Variants in FHIT observed in about 807,000 individuals in gnomAD.
FHIT encodes bis(5'-adenosyl)-triphosphatase.
FHIT carries 19 observed loss-of-function variants against 17.9 expected under a neutral mutation model. That is an observed-to-expected ratio of 1.06 (90% CI 0.74 to 1.56). FHIT has a LOEUF of 1.56. Ranked by LOEUF, FHIT falls within the 40% of genes most tolerant of loss-of-function variation. FHIT has a pLI of 0.00. For missense variants in FHIT, 248 were observed against 189.2 expected (o/e 1.31, Z -1.82); for synonymous variants, 81 against 69.7 (o/e 1.16, Z -0.81).
At chr3:60,744,128 A>G (rs2042294137) in intron 4 of FHIT, among the ~76,000 whole-genome samples, 1 of 151,984 alleles carries the variant, frequency 6.6e-6, no homozygotes, top group Non-Finnish European at 1.5e-5. Context: ...CACAAAAGCT[A>G]CTATTTCAAT....
chr3:60,073,114 C>T (rs1195770945), intron 5 of FHIT, among the ~76,000 whole-genome samples: 1 of 152,136 alleles, frequency 6.6e-6, no homozygotes, highest in Non-Finnish European at 1.5e-5. Flanking sequence ...GAAAATTAAA[C>T]ATTAATTAAC....
chr3:61,158,851 C>T (rs1032937449), intron 2 of FHIT, among the ~76,000 whole-genome samples: 11 of 152,132 alleles, frequency 7.2e-5, no homozygotes, highest in Admixed American at 6.5e-5. Flanking sequence ...TTGCCAGACA[C>T]CATAAAACAA....
intron 4 of FHIT, among the ~76,000 whole-genome samples, chr3:60,636,317 C>T (rs1226366758): frequency 1.3e-5 from 2 of 152,146 alleles, no homozygotes; most frequent in East Asian, 3.9e-4. Flanking sequence ...GATCCACCCG[C>T]CTTGGCCTCC....
At chr3:60,422,651 C>T (rs1702520259) in intron 5 of FHIT, among the ~76,000 whole-genome samples, 1 of 152,048 alleles carries the variant, frequency 6.6e-6, no homozygotes, top group Non-Finnish European at 1.5e-5. Flanking sequence ...AGGTGTTAGA[C>T]ATAAAAATGG....
At chr3:59,937,146 G>C (rs967277131) in intron 7 of FHIT, among the ~76,000 whole-genome samples, 1 of 152,194 alleles carries the variant, frequency 6.6e-6, no homozygotes, top group African/African-American at 2.4e-5. Context: ...ATAATTTTAT[G>C]TCATTATCAC....
chr3:60,152,252 G>C (rs1393385306), intron 5 of FHIT, among the ~76,000 whole-genome samples: 64 of 152,158 alleles, frequency 4.2e-4, no homozygotes, highest in Non-Finnish European at 1.5e-5. Context: ...TGTAATAGGA[G>C]TAAGTATCTA....
chr3:60,405,891 A>T (rs1252717167), intron 5 of FHIT, among the ~76,000 whole-genome samples: 1 of 152,090 alleles, frequency 6.6e-6, no homozygotes, highest in African/African-American at 2.4e-5. Flanking sequence ...AAAATGACCA[A>T]TCTCCTTTCT....
intron 5 of FHIT, among the ~76,000 whole-genome samples, chr3:60,233,966 A>T (rs1704631615): frequency 6.6e-6 from 1 of 152,116 alleles, no homozygotes; most frequent in Admixed American, 6.5e-5. Flanking sequence ...TCCTTTACAA[A>T]TTACGTCTCA....
chr3:60,471,295 T>C (rs569931628), intron 5 of FHIT, among the ~76,000 whole-genome samples: 4 of 152,312 alleles, frequency 2.6e-5, no homozygotes, highest in Admixed American at 2.6e-4. Flanking sequence ...TTCCTTGCAG[T>C]CCTTGTGGCC....
intron 4 of FHIT, among the ~76,000 whole-genome samples, chr3:60,595,650 G>A (rs2038245173): frequency 6.6e-6 from 1 of 151,578 alleles, no homozygotes; most frequent in South Asian, 2.1e-4. Context: ...TGTATAGTGT[G>A]TGTATGTGTG....
chr3:60,130,980 T>C (rs560586611), intron 5 of FHIT, among the ~76,000 whole-genome samples: 53 of 128,944 alleles, frequency 4.1e-4, no homozygotes, highest in Admixed American at 1.9e-3. Flanking sequence ...GGTATATATA[T>C]ACACATATAT....
In FHIT at chr3:60,027,140, C is replaced by CAAAA. The variant is rs1209851135; in HGVS notation, c.104-12989_104-12988insTTTT. Among the ~76,000 whole-genome samples, 134 of 116,768 alleles carry CAAAA rather than the reference C, an allele frequency of 1.1e-3. 2 individuals are homozygous for CAAAA. The highest frequency in any genetic ancestry group is 2.9e-3 in the South Asian group (11 of 3,782). The allele number at this position is 116,768 out of a possible 152,430, so 76.6% of individuals were successfully genotyped here. ...ACACACACACACACACACACACACACACACACACAAAATTAGTAAACCCAA... is the reference window on the plus strand; with the variant it reads ...ACACACACACACACACACACACACACAAAAACACACACAAAATTAGTAAACCCAA... On this transcript the variant is annotated intron_variant, in intron 5 of 9. Transcript: ENST00000492590.
intron 5 of FHIT, among the ~76,000 whole-genome samples, chr3:60,523,036 A>G (rs2035433189): frequency 6.6e-6 from 1 of 152,176 alleles, no homozygotes. Context: ...GAGCCAAGTG[A>G]AAGGGGAAAC....
intron 5 of FHIT, among the ~76,000 whole-genome samples, chr3:60,124,034 A>AGG (rs1705414319): frequency 8.5e-6 from 1 of 117,894 alleles, no homozygotes; most frequent in Non-Finnish European, 1.8e-5. Context: ...AGAGAGAGAG[A>AGG]GAGAGAGAGA....
intron 4 of FHIT, among the ~76,000 whole-genome samples, chr3:60,623,456 A>C (rs1025066918): frequency 3.9e-5 from 6 of 152,332 alleles, no homozygotes; most frequent in African/African-American, 1.4e-4. Flanking sequence ...ACAAGGATTT[A>C]TATCCCATCA....
rs552912731 is a variant in FHIT, at chr3:60,431,057, C to G, written c.103+105803G>C. On this transcript the variant is annotated intron_variant, in intron 5 of 9. Coordinates refer to ENST00000492590, the MANE Select transcript of FHIT (RefSeq NM_002012.4). Reference sequence around the variant, plus strand: ...TGAAACCCTGTCTCTACTAAAAATACAAAAATTAGCCAGCCATTGTGGTGC... The same window carrying G: ...TGAAACCCTGTCTCTACTAAAAATAGAAAAATTAGCCAGCCATTGTGGTGC... Among the ~76,000 whole-genome samples the G allele has an allele frequency of 2.6e-5, 4 of 152,006 alleles. No individual in the cohort carries two copies. In the East Asian group the frequency reaches 7.8e-4, roughly 30 times the overall value.
rs1404966882 is a variant in FHIT, at chr3:60,944,025, C to G, written c.-111+98022G>C. 6.6e-5 allele frequency among the ~76,000 whole-genome samples: 10 copies of G among 152,280 alleles called. No individual in the cohort carries two copies. In the East Asian group the frequency reaches 1.9e-3, roughly 29 times the overall value. On this transcript the variant is annotated intron_variant, in intron 3 of 9. Coordinates refer to ENST00000492590, the MANE Select transcript of FHIT (RefSeq NM_002012.4). ...CTTCTACCTTTCTTCTTCCCTATCCCAGTCTCTCACCTGTTACCTTGACAA... is the reference window on the plus strand; with the variant it reads ...CTTCTACCTTTCTTCTTCCCTATCCGAGTCTCTCACCTGTTACCTTGACAA...
intron 5 of FHIT, among the ~76,000 whole-genome samples, chr3:60,189,247 G>C (rs116423201): frequency 0.017 from 2,623 of 151,542 alleles, 37 homozygotes; most frequent in Non-Finnish European, 0.026. Context: ...GGGTGGGGGG[G>C]AAAGAGGAGA....
At chr3:60,863,989 C>T (rs1388420452) in intron 3 of FHIT, among the ~76,000 whole-genome samples, 1 of 152,104 alleles carries the variant, frequency 6.6e-6, no homozygotes, top group African/African-American at 2.4e-5. Context: ...TTAATGGACT[C>T]ACAGTTCCAC....
Sources: allele counts gnomAD v4.1 joint callset (sites outside exome capture counted in the v4.1 genomes callset), GRCh38; gene constraint gnomAD v4.1.1; transcripts MANE v1.5; gene names NCBI Gene and HGNC (gene_info 2026-07-23, HGNC 2026-07-21).